The following VSIR variants were observed in gnomAD, a reference collection of about 807,000 sequenced individuals.
VSIR encodes V-type immunoglobulin domain-containing suppressor of T-cell activation.
A neutral mutation model predicts 31.0 loss-of-function variants in VSIR; 10 were observed. The observed-to-expected ratio is 0.32, with a 90% CI of 0.20 to 0.55. VSIR has a LOEUF of 0.55. VSIR is among the 20% of genes least tolerant of loss of function. VSIR has a pLI of 0.93. For synonymous variants in VSIR, 179 were observed against 180.1 expected (o/e 0.99, Z 0.05); for missense variants, 356 against 416.2 (o/e 0.86, Z 1.26).
intron 1 of VSIR, among the ~76,000 whole-genome samples, chr10:71,767,356 G>A (rs144209244): frequency 6.6e-6 from 1 of 152,344 alleles, no homozygotes; most frequent in East Asian, 1.9e-4. Context: ...ACCCAAGCTT[G>A]GTTAGTCGGG....
Position 71,759,846 on chromosome 10 carries a change from C to CATATACACACACACACACAT in VSIR, c.568+1002_568+1021dup, listed in dbSNP as rs1564779127. On this transcript the variant is annotated intron_variant, in intron 3 of 6. Transcript: ENST00000394957. ...ACACACACACACACACACACACACA[C>CATATACACACACACACACAT]ATATACACACACACACACATATATA... 3.3e-5 allele frequency among the ~76,000 whole-genome samples: 2 copies of CATATACACACACACACACAT among 59,932 alleles called. 1 individual carries two copies. Among genetic ancestry groups the CATATACACACACACACACAT allele is most frequent in the Admixed American group, 3.7e-4 (2 of 5,346 alleles). The allele number at this position is 59,932 out of a possible 152,430, so 39.3% of individuals were successfully genotyped here.
intron 1 of VSIR, among the ~76,000 whole-genome samples, chr10:71,762,900 G>A (rs1240997290): frequency 2.0e-5 from 3 of 152,170 alleles, no homozygotes; most frequent in Non-Finnish European, 2.9e-5. Flanking sequence ...CAATTCCCTG[G>A]TCCACTTTGC....
rs1018347785 is a variant in VSIR, at chr10:71,768,196, A to T, written c.82+5162T>A. 3.4e-4 allele frequency among the ~76,000 whole-genome samples: 51 copies of T among 152,092 alleles called. 2 individuals are homozygous for T. ...TTGTTGTTGTTGTTGTTTGAGATGGAGTCTCGCTCTGTTGCCCAGGCTGGA... is the reference window on the plus strand; with the variant it reads ...TTGTTGTTGTTGTTGTTTGAGATGGTGTCTCGCTCTGTTGCCCAGGCTGGA... On this transcript the variant is annotated intron_variant, in intron 1 of 6. Transcript: ENST00000394957.
intron 1 of VSIR, among the ~76,000 whole-genome samples, chr10:71,768,303 T>G (rs1386482852): frequency 6.6e-6 from 1 of 152,150 alleles, no homozygotes; most frequent in Non-Finnish European, 1.5e-5. Flanking sequence ...CCCGAGTAGC[T>G]GGGACTACAG....
rs530877241 is a variant in VSIR at position 71,747,570 on chromosome 10, C to T, written c.*3683G>A. The T allele has an allele frequency of 6.6e-6, 1 of 152,400 alleles. No homozygotes were observed. Among genetic ancestry groups the T allele is most frequent in the South Asian group, 2.1e-4 (1 of 4,830 alleles). The allele number at this position is 152,400 out of a possible 1,614,324, so 9.4% of individuals were successfully genotyped here. A position where few individuals can be genotyped will look rare whatever the true frequency, so the allele number is the denominator to read the frequency against. Reference sequence around the variant, plus strand: ...GAGACCCAGGGTTTAGTCGTAGTTCCACCGTTTACTTGTTTTGACAAGACA... The same window carrying T: ...GAGACCCAGGGTTTAGTCGTAGTTCTACCGTTTACTTGTTTTGACAAGACA... On this transcript the variant is annotated 3_prime_UTR_variant, in exon 7 of 7. Coordinates refer to ENST00000394957, the MANE Select transcript of VSIR (RefSeq NM_022153.2).
intron 1 of VSIR, among the ~76,000 whole-genome samples, chr10:71,763,746 G>A (rs1448817768): frequency 6.6e-6 from 1 of 152,250 alleles, no homozygotes; most frequent in Non-Finnish European, 1.5e-5. Flanking sequence ...CATGCGAGTA[G>A]TCGGCGCTTG....
intron 3 of VSIR, among the ~76,000 whole-genome samples, chr10:71,757,387 C>A (rs548393787): frequency 6.6e-6 from 1 of 152,194 alleles, no homozygotes; most frequent in Non-Finnish European, 1.5e-5. Context: ...GGCTTCCTTA[C>A]GATCTGGGCT....
At position 71,751,232 on chromosome 10, in the gene VSIR, G is replaced by C. The variant is rs753973412; in HGVS notation, c.*21C>G. 5 of 1,603,748 alleles carry C rather than the reference G, an allele frequency of 3.1e-6. No individual in the cohort carries two copies. Among genetic ancestry groups the C allele is most frequent in the Admixed American group, 3.4e-5 (2 of 59,018 alleles). On this transcript the variant is annotated 3_prime_UTR_variant, in exon 7 of 7. Transcript: ENST00000394957. This position sits in a 1 kb window ranked among gnomAD's most constrained non-coding sequence, Gnocchi z 4.9. ...ACCTGCCCCAGACCCAGCCACAACA[G>C]CCCACTGTCCCCCAGCTGGGCTAGA...
intron 4 of VSIR, among the ~76,000 whole-genome samples, chr10:71,754,337 C>T (rs1840079400): frequency 1.3e-5 from 2 of 152,162 alleles, no homozygotes; most frequent in African/African-American, 2.4e-5. Context: ...TGGGGGCCCC[C>T]GGGAATGAGG....
chr10:71,759,846 C>CACACACACACATACACACACACACACAT (rs776230069), intron 3 of VSIR, among the ~76,000 whole-genome samples: 1 of 59,930 alleles, frequency 1.7e-5, no homozygotes, highest in African/African-American at 6.0e-5. Context: ...CACACACACA[C>CACACACACACATACACACACACACACAT]ATATACACAC....
At chr10:71,767,941 C>T (rs1173819786) in intron 1 of VSIR, among the ~76,000 whole-genome samples, 1 of 152,144 alleles carries the variant, frequency 6.6e-6, no homozygotes, top group Non-Finnish European at 1.5e-5. Flanking sequence ...GGCAGCTGGC[C>T]AGAGGTCCCG....
chr10:71,759,966 T>C (rs1416160938), intron 3 of VSIR, among the ~76,000 whole-genome samples: 1 of 93,730 alleles, frequency 1.1e-5, no homozygotes, highest in African/African-American at 3.4e-5. Flanking sequence ...CACACACATA[T>C]ATATACACAC....
intron 1 of VSIR, among the ~76,000 whole-genome samples, chr10:71,766,875 A>T (rs1317145449): frequency 6.6e-6 from 1 of 152,218 alleles, no homozygotes; most frequent in Non-Finnish European, 1.5e-5. Context: ...CTGATGCCTC[A>T]TCCTTCAGCT....
intron 4 of VSIR, chr10:71,753,762 T>C (rs1418162539): frequency 2.2e-6 from 1 of 456,292 alleles, no homozygotes; most frequent in South Asian, 1.5e-5. Flanking sequence ...CTGATTACGA[T>C]GGGGAAACAG....
rs1395825602 is a variant in VSIR at position 71,759,954 on chromosome 10, TAC to T, written c.568+912_568+913del. On this transcript the variant is annotated intron_variant, in intron 3 of 6. Coordinates refer to ENST00000394957, the MANE Select transcript of VSIR (RefSeq NM_022153.2). ...ACATATATACACACACACATATATATACACACACATATATATACACACACACA... is the reference window on the plus strand; with the variant it reads ...ACATATATACACACACACATATATATACACACATATATATACACACACACA... Among the ~76,000 whole-genome samples the T allele has an allele frequency of 4.0e-4, 25 of 62,508 alleles. 3 individuals are homozygous for T. In the South Asian group the frequency reaches 1.0e-2, roughly 25 times the overall value. The allele number at this position is 62,508 out of a possible 152,430, so 41.0% of individuals were successfully genotyped here.
chr10:71,770,743 A>G (rs546090049), intron 1 of VSIR, among the ~76,000 whole-genome samples: 1 of 152,224 alleles, frequency 6.6e-6, no homozygotes, highest in Non-Finnish European at 1.5e-5. Context: ...TCTCAGCAGC[A>G]CACTCCTGCC....
chr10:71,754,460 G>A (rs369177093), intron 4 of VSIR, among the ~76,000 whole-genome samples: 3 of 151,914 alleles, frequency 2.0e-5, no homozygotes, highest in Admixed American at 6.6e-5. Context: ...CCAGGCAGAC[G>A]GGAAGAGGCC....
intron 1 of VSIR, among the ~76,000 whole-genome samples, chr10:71,768,211 C>A (rs1840601631): frequency 6.6e-6 from 1 of 152,144 alleles, no homozygotes; most frequent in African/African-American, 2.4e-5. Flanking sequence ...CGCTCTGTTG[C>A]CCAGGCTGGA....
chr10:71,752,333 T>G (rs1342288140), intron 5 of VSIR, among the ~76,000 whole-genome samples: 1 of 152,214 alleles, frequency 6.6e-6, no homozygotes, highest in Non-Finnish European at 1.5e-5. Flanking sequence ...AGATTCTAGA[T>G]GAGTTGCAAG....
Sources: gnomAD v4.1 joint callset for allele counts (sites outside exome capture counted in the v4.1 genomes callset) on GRCh38, gnomAD v4.1.1 for gene constraint, Gnocchi (gnomAD v3.1) non-coding constraint, MANE v1.5 for transcripts, NCBI Gene and HGNC (gene_info 2026-07-23, HGNC 2026-07-21) for gene names.